The following FPR3 variants were observed in gnomAD, a reference collection of about 807,000 sequenced individuals.
The protein encoded by FPR3 is formyl peptide receptor 3.
For synonymous variants in FPR3, 135 were observed against 163.6 expected, an observed-to-expected ratio of 0.83 and a Z score of 1.34; for missense variants, 346 against 443.2, an observed-to-expected ratio of 0.78 and a Z score of 1.97.
At chr19:51,804,731 C>T (rs1036652866) in intron 1 of FPR3, 4 of 152,054 alleles carry the variant, frequency 2.6e-5, no homozygotes, top group Admixed American at 2.0e-4. Context: ...TTCGGGGCGC[C>T]ACTATGTAAC....
intron 1 of FPR3, among the ~76,000 whole-genome samples, chr19:51,805,762 T>C (rs2084054713): frequency 6.6e-6 from 1 of 152,130 alleles, no homozygotes; most frequent in African/African-American, 2.4e-5. Flanking sequence ...ACAGAGGACA[T>C]CACAACAGAA....
chr19:51,807,217 G>A (rs751221962), intron 1 of FPR3, among the ~76,000 whole-genome samples: 1 of 63,514 alleles, frequency 1.6e-5, no homozygotes, highest in African/African-American at 1.0e-4. Flanking sequence ...AGCAGGAAGT[G>A]GGGGGGGTGG....
At chr19:51,819,985 G>A (rs981021917) in intron 1 of FPR3, among the ~76,000 whole-genome samples, 8 of 152,134 alleles carry the variant, frequency 5.3e-5, no homozygotes, top group Admixed American at 2.0e-4. Flanking sequence ...GGAAGTCACT[G>A]GGAAAAAGAA....
intron 1 of FPR3, among the ~76,000 whole-genome samples, chr19:51,819,232 T>C (rs2084169699): frequency 6.6e-6 from 1 of 152,068 alleles, no homozygotes. Flanking sequence ...GGGTTTGGAG[T>C]GTCTATGGGA....
At chr19:51,817,497 A>G (rs893753306) in intron 1 of FPR3, among the ~76,000 whole-genome samples, 1 of 150,518 alleles carries the variant, frequency 6.6e-6, no homozygotes, top group Non-Finnish European at 1.5e-5. Context: ...GTAAGTAACC[A>G]TGTCAGTCAA....
At chr19:51,814,486 TTTTG>T (rs111878163) in intron 1 of FPR3, among the ~76,000 whole-genome samples, 1 of 151,280 alleles carries the variant, frequency 6.6e-6, no homozygotes, top group Admixed American at 6.6e-5. Flanking sequence ...GGTTTTTGTT[TTTTG>T]TTTGTTTTGT....
At chr19:51,810,687 G>A (rs1371625359) in intron 1 of FPR3, among the ~76,000 whole-genome samples, 7 of 152,274 alleles carry the variant, frequency 4.6e-5, no homozygotes, top group Non-Finnish European at 7.4e-5. Context: ...AAGCAAGTTC[G>A]CATCAAGTGT....
At position 51,824,463 on chromosome 19, in the gene FPR3, C is replaced by A. The variant is rs1216952854; in HGVS notation, c.715C>A (p.Pro239Thr). 1 of 1,613,948 alleles carries A rather than the reference C, an allele frequency of 6.2e-7. No individual in the cohort carries two copies. The highest frequency in any genetic ancestry group is 1.3e-5 in the African/African-American group (1 of 74,912). Reference protein sequence around the residue: ...HRNHMIKSSRPLRVFAAVVAS... With the variant: ...HRNHMIKSSRTLRVFAAVVAS... ...AAACCACATGATTAAATCCAGCCGT[C>A]CCTTACGTGTCTTCGCTGCTGTGGT... The change falls in exon 2 of 2, where the codon CCC becomes ACC. Residue 239 changes from proline (P) to threonine (T), a missense_variant. Coordinates refer to ENST00000339223, the MANE Select transcript of FPR3 (RefSeq NM_002030.5). This position sits in a 1 kb window ranked among gnomAD's most constrained non-coding sequence, Gnocchi z 4.7.
chr19:51,815,530 C>T (rs1246649021), intron 1 of FPR3, among the ~76,000 whole-genome samples: 1 of 149,718 alleles, frequency 6.7e-6, no homozygotes, highest in African/African-American at 2.5e-5. Flanking sequence ...GATCCCGCCA[C>T]TGCACTCCAG....
chr19:51,813,756 G>T (rs183714758), intron 1 of FPR3, among the ~76,000 whole-genome samples: 1 of 152,052 alleles, frequency 6.6e-6, no homozygotes, highest in South Asian at 2.1e-4. Flanking sequence ...GGATGGACTC[G>T]ATCTCCTGAC....
At position 51,823,806 on chromosome 19, in the gene FPR3, G is replaced by A; in HGVS notation, c.58G>A (p.Ala20Thr). The change falls in exon 2 of 2, where the codon GCT becomes ACT. Residue 20 changes from alanine (A) to threonine (T), a missense_variant. Physicochemically the swap from Ala to Thr is moderately conservative, Grantham distance 58 (BLOSUM62 0). Transcript: ENST00000339223. ...AACTGAGGAGGTGCTCCCTGAGCCT[G>A]CTGGCCACACCGTTCTGTGGATCTT... is the stretch of plus-strand genomic sequence containing the variant. ...NETEEVLPEP[A>T]GHTVLWIFSL... is the part of the protein sequence containing the mutation. 1 of 1,613,396 alleles carries A rather than the reference G, an allele frequency of 6.2e-7. No homozygotes were observed. The highest frequency in any genetic ancestry group is 2.2e-5 in the East Asian group (1 of 44,858).
intron 1 of FPR3, among the ~76,000 whole-genome samples, chr19:51,818,359 T>A (rs1038106188): frequency 2.0e-5 from 3 of 152,220 alleles, no homozygotes; most frequent in Non-Finnish European, 2.9e-5. Flanking sequence ...ACCTGAAAAC[T>A]ATAAGACACA....
intron 1 of FPR3, among the ~76,000 whole-genome samples, chr19:51,801,933 A>G (rs1377622652): frequency 6.6e-6 from 1 of 152,182 alleles, no homozygotes. Flanking sequence ...TCATACAGTC[A>G]TTGCTCTAAA....
In FPR3 at chr19:51,824,692, G is replaced by C; in HGVS notation, c.944G>C (p.Arg315Pro). Residue 315 changes from arginine (R) to proline (P), a missense_variant, in exon 2 of 2, where the codon CGC becomes CCC. Transcript: ENST00000339223. The surrounding 1 kb of genome is among the most constrained non-coding windows in gnomAD (Gnocchi z 4.7). ...CGTAACTTCCAAGAAAGACTGATTC[G>C]CTCTTTGCCCACTAGTTTGGAGAGG... ...MGRNFQERLI[R>P]SLPTSLERAL... The C allele has an allele frequency of 6.2e-7, 1 of 1,613,912 alleles. No individual in the cohort carries two copies. Among genetic ancestry groups the C allele is most frequent in the South Asian group, 1.1e-5 (1 of 91,062 alleles).
rs577591224 is a variant in FPR3, at chr19:51,813,346, A to G, written c.-10-10393A>G. Among the ~76,000 whole-genome samples, 8 of 152,244 alleles carry G rather than the reference A, an allele frequency of 5.3e-5. No individual in the cohort carries two copies. The South Asian group carries it at 1.7e-3, about 32-fold the overall frequency. On this transcript the variant is annotated intron_variant, in intron 1 of 1. Coordinates refer to ENST00000339223, the MANE Select transcript of FPR3 (RefSeq NM_002030.5). The stretch of plus-strand genomic sequence containing the variant: ...GCACTCATCCTACCTATGAGGGCAG[A>G]ACAATCATAATTGAAAACCTCCACC...
In FPR3 at chr19:51,813,457, T is replaced by C. The variant is rs1208422261; in HGVS notation, c.-10-10282T>C. 3.3e-5 allele frequency among the ~76,000 whole-genome samples: 5 copies of C among 152,050 alleles called. No individual in the cohort carries two copies. The East Asian group carries it at 9.7e-4, about 29-fold the overall frequency. On this transcript the variant is annotated intron_variant, in intron 1 of 1. Transcript: ENST00000339223. ...TTTGGCCCAGGGAATGATCTAAGGA[T>C]GTCATGTTTCAGTGGTGAAAGATAA...
At chr19:51,822,078 G>T (rs576310408) in intron 1 of FPR3, among the ~76,000 whole-genome samples, 1 of 152,152 alleles carries the variant, frequency 6.6e-6, no homozygotes, top group Non-Finnish European at 1.5e-5. Flanking sequence ...AGCAAATTTG[G>T]TCAAGTGGCA....
At chr19:51,816,003 G>A (rs1169340237) in intron 1 of FPR3, among the ~76,000 whole-genome samples, 1 of 152,010 alleles carries the variant, frequency 6.6e-6, no homozygotes, top group Non-Finnish European at 1.5e-5. Flanking sequence ...GGAGTTTGAG[G>A]CTGCAGTGAG....
At chr19:51,808,549 T>C (rs1345376186) in intron 1 of FPR3, among the ~76,000 whole-genome samples, 1 of 152,236 alleles carries the variant, frequency 6.6e-6, no homozygotes, top group Non-Finnish European at 1.5e-5. Context: ...CTGTTAAGCA[T>C]GCCTTGGGGT....
Sources: allele counts gnomAD v4.1 joint callset (sites outside exome capture counted in the v4.1 genomes callset), GRCh38; gene constraint gnomAD v4.1.1; non-coding constraint Gnocchi (gnomAD v3.1); transcripts MANE v1.5; gene names NCBI Gene and HGNC (gene_info 2026-07-23, HGNC 2026-07-21).